GPM6B: variants seen among roughly 807,000 people sequenced by gnomAD.
GPM6B encodes the protein glycoprotein M6B.
In GPM6B, 4 loss-of-function variants were observed where a neutral mutation model predicts 27.2. The observed-to-expected ratio is 0.15, with a 90% CI of 0.07 to 0.34. The LOEUF is 0.34. GPM6B is among the 10% of genes least tolerant of loss of function. The pLI is 1.00. For synonymous variants in GPM6B, 124 were observed against 103.1 expected (o/e 1.20, Z -1.23); for missense variants, 183 against 261.9 (o/e 0.70, Z 2.08).
At chrX:13,925,781 G>A (rs979474951) in intron 1 of GPM6B, among the ~76,000 whole-genome samples, 6 of 110,952 alleles carry the variant, frequency 5.4e-5, no homozygotes, top group Non-Finnish European at 7.5e-5. Context: ...CTGGCCAGGC[G>A]CCGTGGCTCA....
At chrX:13,874,160 T>C (rs933055553) in intron 1 of GPM6B, among the ~76,000 whole-genome samples, 10 of 112,081 alleles carry the variant, frequency 8.9e-5, no homozygotes, top group East Asian at 5.6e-4. Flanking sequence ...TGTAAATAGA[T>C]ACAAATAAAG....
chrX:13,884,905 G>A (rs1260183163), intron 1 of GPM6B, among the ~76,000 whole-genome samples: 1 of 112,207 alleles, frequency 8.9e-6, no homozygotes, highest in Admixed American at 9.4e-5. Context: ...GTCCTATGTA[G>A]TGATGGACTC....
chrX:13,903,394 C>T (rs1000157684), intron 1 of GPM6B, among the ~76,000 whole-genome samples: 2 of 112,139 alleles, frequency 1.8e-5, no homozygotes, highest in Non-Finnish European at 3.8e-5. Context: ...ATTATTTACT[C>T]TTGATGTCAT....
intron 1 of GPM6B, among the ~76,000 whole-genome samples, chrX:13,891,996 A>G (rs184104470): frequency 8.9e-6 from 1 of 112,014 alleles, no homozygotes; most frequent in African/African-American, 3.2e-5. Flanking sequence ...GTCCACAGGC[A>G]GAAAATTCTG....
At chrX:13,851,680 C>T (rs910664605) in intron 1 of GPM6B, among the ~76,000 whole-genome samples, 3 of 109,105 alleles carry the variant, frequency 2.7e-5, no homozygotes, top group Non-Finnish European at 5.7e-5. Context: ...ATGATCCCAT[C>T]TTGCACAGTG....
At chrX:13,775,937 G>C (rs1455237061) in intron 7 of GPM6B, among the ~76,000 whole-genome samples, 1 of 112,581 alleles carries the variant, frequency 8.9e-6, no homozygotes, top group African/African-American at 3.2e-5. Context: ...ATCTGTCTGC[G>C]ACTGAAGTCA....
At chrX:13,809,024 T>C (rs2049075914) in intron 1 of GPM6B, among the ~76,000 whole-genome samples, 1 of 112,221 alleles carries the variant, frequency 8.9e-6, no homozygotes, top group African/African-American at 3.2e-5. Context: ...ATTTTTGTGG[T>C]CAATGATGAT....
At chrX:13,793,254 T>C (rs187473056) in intron 2 of GPM6B, among the ~76,000 whole-genome samples, 1 of 111,405 alleles carries the variant, frequency 9.0e-6, no homozygotes, top group Admixed American at 9.6e-5. Flanking sequence ...CTTTACATAA[T>C]TTTTAAATCT....
chrX:13,778,338 G>A (rs1351171421), intron 5 of GPM6B, among the ~76,000 whole-genome samples: 1 of 112,041 alleles, frequency 8.9e-6, no homozygotes. Context: ...ATGAGCCATC[G>A]TGCGTGGCCG....
At chrX:13,892,372 CAT>C (rs1310823581) in intron 1 of GPM6B, among the ~76,000 whole-genome samples, 1 of 111,295 alleles carries the variant, frequency 9.0e-6, no homozygotes, top group African/African-American at 3.3e-5. Context: ...CATGGACTAA[CAT>C]AGATCATAAT....
intron 1 of GPM6B, among the ~76,000 whole-genome samples, chrX:13,840,609 A>G (rs72614523): frequency 0.031 from 3,440 of 111,458 alleles, 64 homozygotes; most frequent in East Asian, 0.14. Context: ...CCCCCAGCGA[A>G]TCTTCCTTTG....
chrX:13,796,456 T>A (rs1163129719), intron 2 of GPM6B, among the ~76,000 whole-genome samples: 1 of 112,040 alleles, frequency 8.9e-6, no homozygotes, highest in East Asian at 2.8e-4. Context: ...TCTAAGCACA[T>A]AAAGGGACCT....
chrX:13,921,637 G>A (rs971658277), intron 1 of GPM6B, among the ~76,000 whole-genome samples: 1 of 106,392 alleles, frequency 9.4e-6, no homozygotes, highest in South Asian at 4.4e-4. Flanking sequence ...GTGCCGTGGC[G>A]CAATCTCAGC....
At chrX:13,886,443 C>A (rs1208274768) in intron 1 of GPM6B, among the ~76,000 whole-genome samples, 1 of 109,979 alleles carries the variant, frequency 9.1e-6, no homozygotes, top group Non-Finnish European at 1.9e-5. Flanking sequence ...AACGCTTCCA[C>A]ACAAAGGCAG....
intron 1 of GPM6B, among the ~76,000 whole-genome samples, chrX:13,845,740 C>T (rs1236815373): frequency 9.0e-6 from 1 of 111,292 alleles, no homozygotes; most frequent in Non-Finnish European, 1.9e-5. Flanking sequence ...AGCGTTCCAC[C>T]ACTTCTATGG....
At chrX:13,859,135 A>C (rs1277319766) in intron 1 of GPM6B, among the ~76,000 whole-genome samples, 3 of 112,307 alleles carry the variant, frequency 2.7e-5, no homozygotes, top group Non-Finnish European at 5.6e-5. Context: ...TTAAGTGTAC[A>C]ATTTTACGAA....
intron 1 of GPM6B, among the ~76,000 whole-genome samples, chrX:13,936,233 G>T (rs1341384114): frequency 8.9e-6 from 1 of 112,107 alleles, no homozygotes; most frequent in East Asian, 2.8e-4. Context: ...GCTTAACAAT[G>T]AAAAACCCAT....
intron 1 of GPM6B, among the ~76,000 whole-genome samples, chrX:13,863,349 A>C (rs1383436591): frequency 9.0e-6 from 1 of 111,723 alleles, no homozygotes; most frequent in Non-Finnish European, 1.9e-5. Flanking sequence ...GCTGCATTTC[A>C]GTCACTTGGG....
intron 1 of GPM6B, among the ~76,000 whole-genome samples, chrX:13,877,481 T>C (rs1382893591): frequency 9.1e-6 from 1 of 110,356 alleles, no homozygotes; most frequent in Non-Finnish European, 1.9e-5. Flanking sequence ...CCAGAAACTA[T>C]ACATCTGGCC....
Sources: gnomAD v4.1 joint callset for allele counts (sites outside exome capture counted in the v4.1 genomes callset) on GRCh38, gnomAD v4.1.1 for gene constraint, MANE v1.5 for transcripts, NCBI Gene and HGNC (gene_info 2026-07-23, HGNC 2026-07-21) for gene names.